The following HS6ST3 variants were observed in gnomAD, a reference collection of about 807,000 sequenced individuals.
HS6ST3 encodes the protein heparan-sulfate 6-O-sulfotransferase 3.
In HS6ST3, 12 loss-of-function variants were observed where a neutral mutation model predicts 36.7. That is an observed-to-expected ratio of 0.33 (90% confidence interval 0.21 to 0.53). The LOEUF (loss-of-function observed/expected upper bound fraction) is 0.53. Ranked by LOEUF, HS6ST3 falls within the 20% of genes least tolerant of loss-of-function variation. The pLI is 0.95. For missense variants in HS6ST3, 584 were observed against 640.9 expected (o/e 0.91, Z 0.96); for synonymous variants, 240 against 257.5 (o/e 0.93, Z 0.65).
intron 1 of HS6ST3, among the ~76,000 whole-genome samples, chr13:96,546,964 A>G (rs920799644): frequency 2.0e-5 from 3 of 152,164 alleles, no homozygotes; most frequent in African/African-American, 7.2e-5. Flanking sequence ...TGTTAGCAGG[A>G]GAATATGGTC....
Position 96,748,160 on chromosome 13 carries a change from C to G in HS6ST3, c.708-84330C>G, listed in dbSNP as rs563406339. ...AACTCATGGCATCCCAGATTTCTGC[C>G]ATCCAGGTCATCAGAGTATAAAGAG... On this transcript the variant is annotated intron_variant, in intron 1 of 1. Transcript: ENST00000376705. Among the ~76,000 whole-genome samples, 5 of 152,182 alleles carry G rather than the reference C, an allele frequency of 3.3e-5. No individual in the cohort carries two copies. In the East Asian group the frequency reaches 7.7e-4, roughly 24 times the overall value.
intron 1 of HS6ST3, among the ~76,000 whole-genome samples, chr13:96,757,075 G>A (rs961257231): frequency 4.6e-5 from 7 of 152,190 alleles, no homozygotes; most frequent in Middle Eastern, 3.4e-3. Context: ...CTGTTTTCAG[G>A]GTTGATGGTG....
chr13:96,299,833 A>G (rs191096538), intron 1 of HS6ST3, among the ~76,000 whole-genome samples: 2 of 152,208 alleles, frequency 1.3e-5, no homozygotes, highest in Admixed American at 1.3e-4. Context: ...TGAACAAGTT[A>G]TATTAGCCTA....
intron 1 of HS6ST3, among the ~76,000 whole-genome samples, chr13:96,242,815 A>G (rs1381432820): frequency 2.6e-5 from 4 of 152,212 alleles, no homozygotes; most frequent in African/African-American, 9.6e-5. Context: ...CAACAGTCTC[A>G]CCTCTGGATT....
intron 1 of HS6ST3, among the ~76,000 whole-genome samples, chr13:96,523,592 G>T (rs998238472): frequency 6.6e-6 from 1 of 151,404 alleles, no homozygotes; most frequent in African/African-American, 2.4e-5. Flanking sequence ...CTCTAATATT[G>T]TCTTCTTTCT....
chr13:96,689,953 T>C (rs1254728654), intron 1 of HS6ST3, among the ~76,000 whole-genome samples: 1 of 152,068 alleles, frequency 6.6e-6, no homozygotes, highest in South Asian at 2.1e-4. Flanking sequence ...AAAATTGGCC[T>C]GTTTTGAAGA....
intron 1 of HS6ST3, among the ~76,000 whole-genome samples, chr13:96,656,105 G>C (rs1160016658): frequency 6.6e-6 from 1 of 152,092 alleles, no homozygotes; most frequent in Non-Finnish European, 1.5e-5. Flanking sequence ...CATCACCTAA[G>C]AGAATTACAA....
At chr13:96,803,196 G>A (rs918905376) in intron 1 of HS6ST3, among the ~76,000 whole-genome samples, 1 of 152,126 alleles carries the variant, frequency 6.6e-6, no homozygotes, top group African/African-American at 2.4e-5. Flanking sequence ...TGCCAGTGTT[G>A]CATGTCAAAA....
intron 1 of HS6ST3, among the ~76,000 whole-genome samples, chr13:96,416,035 G>T (rs2055531275): frequency 6.6e-6 from 1 of 152,148 alleles, no homozygotes; most frequent in African/African-American, 2.4e-5. Flanking sequence ...ATCAAAAACA[G>T]ATAAAGAAAA....
chr13:96,262,514 GT>G (rs1376540997), intron 1 of HS6ST3, among the ~76,000 whole-genome samples: 4 of 151,500 alleles, frequency 2.6e-5, no homozygotes, highest in African/African-American at 9.7e-5. Context: ...ACCTTTTAAA[GT>G]TTTTGACTTG....
chr13:96,678,843 T>C (rs1414624), intron 1 of HS6ST3, among the ~76,000 whole-genome samples: 60,888 of 151,798 alleles, frequency 0.4, 12,556 homozygotes, highest in Non-Finnish European at 0.46. Context: ...CCTTTCATTA[T>C]TCATTTATTT....
At chr13:96,384,514 A>G (rs2055357758) in intron 1 of HS6ST3, among the ~76,000 whole-genome samples, 1 of 152,058 alleles carries the variant, frequency 6.6e-6, no homozygotes, top group African/African-American at 2.4e-5. Context: ...ATAAGTGTCC[A>G]TTGCTGTGGC....
intron 1 of HS6ST3, among the ~76,000 whole-genome samples, chr13:96,584,277 G>A (rs1016398959): frequency 6.6e-6 from 1 of 152,048 alleles, no homozygotes; most frequent in Non-Finnish European, 1.5e-5. Flanking sequence ...CCAAGTAGCT[G>A]GGATTACAGT....
chr13:96,211,854 A>C (rs978206792), intron 1 of HS6ST3, among the ~76,000 whole-genome samples: 4 of 152,216 alleles, frequency 2.6e-5, no homozygotes, highest in African/African-American at 9.6e-5. Context: ...TTTGTCAAGA[A>C]AACACAAAAC....
At chr13:96,175,694 CAAAAAA>C (rs4001570) in intron 1 of HS6ST3, among the ~76,000 whole-genome samples, 1 of 140,824 alleles carries the variant, frequency 7.1e-6, no homozygotes, top group Non-Finnish European at 1.5e-5. Context: ...GTGAATTTGG[CAAAAAA>C]AAAAAAAAAA....
intron 1 of HS6ST3, among the ~76,000 whole-genome samples, chr13:96,254,313 C>G: frequency 6.9e-6 from 1 of 144,944 alleles, no homozygotes; most frequent in Admixed American, 7.0e-5. Flanking sequence ...ACTCAGGAGG[C>G]TGAGGCAGGA....
intron 1 of HS6ST3, among the ~76,000 whole-genome samples, chr13:96,521,687 C>T (rs941117376): frequency 1.3e-5 from 2 of 152,064 alleles, no homozygotes; most frequent in Non-Finnish European, 2.9e-5. Flanking sequence ...CCTGTGGGAT[C>T]GGTGGTGATA....
intron 1 of HS6ST3, among the ~76,000 whole-genome samples, chr13:96,580,926 G>A (rs1276260242): frequency 6.6e-6 from 1 of 151,952 alleles, no homozygotes; most frequent in African/African-American, 2.4e-5. Context: ...TAAGAAGTAA[G>A]AAAAAAATAA....
chr13:96,722,090 A>G (rs1289041101), intron 1 of HS6ST3, among the ~76,000 whole-genome samples: 1 of 152,022 alleles, frequency 6.6e-6, no homozygotes, highest in East Asian at 1.9e-4. Flanking sequence ...ACATGGTGAA[A>G]CCTCGTCTCT....
Sources: allele counts gnomAD v4.1 joint callset (sites outside exome capture counted in the v4.1 genomes callset), GRCh38; gene constraint gnomAD v4.1.1; transcripts MANE v1.5; gene names NCBI Gene and HGNC (gene_info 2026-07-23, HGNC 2026-07-21).